The following PIP5KL1 variants were observed in gnomAD, a reference collection of about 807,000 sequenced individuals.
The protein encoded by PIP5KL1 is phosphatidylinositol 4-phosphate 5-kinase-like protein 1.
A neutral mutation model predicts 47.6 loss-of-function variants in PIP5KL1; 45 were observed. The ratio of observed to expected loss-of-function variants is 0.94; its 90% confidence interval spans 0.74 to 1.21. PIP5KL1 has a LOEUF of 1.21. PIP5KL1 is among the 50% of genes most tolerant of loss of function. PIP5KL1 has a pLI of 0.00. For synonymous variants in PIP5KL1, 256 were observed against 234.6 expected, an observed-to-expected ratio of 1.09 and a Z score of -0.84; for missense variants, 577 against 547.6, an observed-to-expected ratio of 1.05 and a Z score of -0.54.
rs745405251 is a variant in PIP5KL1 at position 127,925,858 on chromosome 9, G to A, written c.763+9C>T. ...GGAGGAACAGGCAGTGGCCACCCCC[G>A]TGGCTCACCCAGGTTGATGGTCTTG... is the stretch of plus-strand genomic sequence containing the variant. On this transcript the variant is annotated intron_variant, in intron 8 of 9. Transcript: ENST00000388747. The A allele has an allele frequency of 1.4e-5, 22 of 1,609,578 alleles. No individual in the cohort carries two copies. The highest frequency in any genetic ancestry group is 2.2e-5 in the South Asian group (2 of 91,018).
rs1199113996 is a variant in PIP5KL1, at chr9:127,925,296, T to C, written c.764-36A>G. 6.9e-6 allele frequency: 11 copies of C among 1,603,656 alleles called. No homozygotes were observed. The East Asian group carries it at 1.6e-4, about 23-fold the overall frequency. ...ATCAGTGCCCCCACCTGAGCGCTCATCATGTGCCAGCCACGGTGCTCCACA... is the reference window on the plus strand; with the variant it reads ...ATCAGTGCCCCCACCTGAGCGCTCACCATGTGCCAGCCACGGTGCTCCACA... On this transcript the variant is annotated intron_variant, in intron 8 of 9. Transcript: ENST00000388747.
At chr9:127,930,641 G>A (rs1369290065) in intron 1 of PIP5KL1, 82 bp downstream of exon 1, 2 of 1,433,088 alleles carry the variant, frequency 1.4e-6, no homozygotes, top group Admixed American at 5.1e-5. Flanking sequence ...ATGGGGGCGT[G>A]TCCGCGCCGC....
chr9:127,926,829 G>A (rs769590973), intron 7 of PIP5KL1, among the ~76,000 whole-genome samples: 3 of 152,240 alleles, frequency 2.0e-5, no homozygotes, highest in Non-Finnish European at 4.4e-5. Flanking sequence ...GCAGTCAGAG[G>A]CTGGGTCTGA....
Position 127,922,028 on chromosome 9 carries a change from A to G in PIP5KL1, c.1004T>C (p.Leu335Pro). The G allele has an allele frequency of 6.4e-7, 1 of 1,574,724 alleles. No homozygotes were observed. The highest frequency in any genetic ancestry group is 8.6e-7 in the Non-Finnish European group (1 of 1,161,470). ...LPDAPNALHI[L>P]DGPEQRYFLG... ...GAAATAGCGCTGCTCGGGCCCGTCC[A>G]GGATGTGTAGGGCGTTGGGGGCGTC... The change falls in exon 10 of 10, where the codon CTG becomes CCG. Residue 335 changes from leucine to proline, a missense_variant. Transcript: ENST00000388747.
At position 127,929,709 on chromosome 9, in the gene PIP5KL1, G is replaced by T. The variant is rs1831411287; in HGVS notation, c.207C>A (p.Val69=). Residue 69 remains valine (V), a synonymous_variant, in exon 2 of 10, where the codon GTC becomes GTA. Coordinates refer to ENST00000388747, the MANE Select transcript of PIP5KL1 (RefSeq NM_001135219.2). This position sits in a 1 kb window ranked among gnomAD's most constrained non-coding sequence, Gnocchi z 4.0. ...TCACCGTGGGTGGGTGGTCCATGGA[G>T]ACCTGGGTGGCAGCCCACAGCCCTG... ...MQAGLWAATQ[V]SMDHPPTGPP... 1 of 1,582,602 alleles carries T rather than the reference G, an allele frequency of 6.3e-7. No individual in the cohort carries two copies. Among genetic ancestry groups the T allele is most frequent in the South Asian group, 1.2e-5 (1 of 86,918 alleles).
intron 3 of PIP5KL1, 31 bp downstream of exon 3, chr9:127,928,402 T>A (rs1320533639): frequency 5.0e-6 from 8 of 1,584,776 alleles, no homozygotes; most frequent in Non-Finnish European, 6.9e-6. Context: ...CCAGCACACG[T>A]CCCTCCCACA....
At chr9:127,930,587 C>G (rs1831421303) in intron 1 of PIP5KL1, 136 bp downstream of exon 1, 1 of 1,096,844 alleles carries the variant, frequency 9.1e-7, no homozygotes, top group Non-Finnish European at 1.2e-6. Context: ...CCGTGTGGGG[C>G]GTGTCCTGGT....
intron 2 of PIP5KL1, 179 bp from the exon 3 acceptor site, chr9:127,928,662 G>C (rs1218831361): frequency 9.2e-6 from 6 of 650,416 alleles, no homozygotes; most frequent in South Asian, 7.8e-5. Flanking sequence ...TCACCTCCCA[G>C]GGATGCCAGG....
rs541657695 is a variant in PIP5KL1 at position 127,929,476 on chromosome 9, G to T, written c.228+212C>A. Reference sequence around the variant, plus strand: ...AGAGAGAGGCAGAGACCCACCTAGAGTCACACAGCAACCACCTGAGTCAGG... The same window carrying T: ...AGAGAGAGGCAGAGACCCACCTAGATTCACACAGCAACCACCTGAGTCAGG... On this transcript the variant is annotated intron_variant, in intron 2 of 9. Coordinates refer to ENST00000388747, the MANE Select transcript of PIP5KL1 (RefSeq NM_001135219.2). The surrounding 1 kb of genome is among the most constrained non-coding windows in gnomAD (Gnocchi z 4.0). Among the ~76,000 whole-genome samples, 1 of 152,124 alleles carries T rather than the reference G, an allele frequency of 6.6e-6. No individual in the cohort carries two copies. Among genetic ancestry groups the T allele is most frequent in the South Asian group, 2.1e-4 (1 of 4,814 alleles).
Position 127,927,496 on chromosome 9 carries a change from C to A in PIP5KL1, c.559+152G>T. 6.9e-7 allele frequency: 1 copy of A among 1,457,240 alleles called. No homozygotes were observed. The highest frequency in any genetic ancestry group is 2.5e-5 in the East Asian group (1 of 40,036). 90.3% of individuals were successfully genotyped at this position (1,457,240 alleles called of 1,614,324 possible). A position where few individuals can be genotyped will look rare whatever the true frequency, so the allele number is the denominator to read the frequency against. On this transcript the variant is annotated intron_variant, in intron 5 of 9. Transcript: ENST00000388747. This position sits in a 1 kb window ranked among gnomAD's most constrained non-coding sequence, Gnocchi z 5.5. ...GACCCGATCCCACCCCTAAACACAG[C>A]CCCAGTGGTGCCCCGCCCCCACGTA...
chr9:127,926,153 CTT>C (rs1831358975), intron 7 of PIP5KL1, among the ~76,000 whole-genome samples, 174 bp from the exon 8 acceptor site: 1 of 151,710 alleles, frequency 6.6e-6, no homozygotes, highest in East Asian at 1.9e-4. Flanking sequence ...TCTTTTCTTT[CTT>C]TCTCTCTCTC....
Position 127,928,112 on chromosome 9 carries a change from G to C in PIP5KL1, c.387C>G (p.Tyr129Ter), listed in dbSNP as rs369606695. The change falls in exon 4 of 10, where the codon TAC becomes TAG. Residue 129 changes from tyrosine to a stop codon, truncating the protein, a stop_gained. Transcript: ENST00000388747. LOFTEE classifies it high-confidence loss of function. ...TCTTGGAGGTGCTGAGGAACTGCAG[G>C]TAGGGGCCGCCGGGGCCCAGGGCAG... ...YQAALGPGGP[Y>*]LQFLSTSKSK... is the part of the protein sequence containing the mutation. The C allele has an allele frequency of 2.6e-5, 41 of 1,569,952 alleles. No individual in the cohort carries two copies. Among genetic ancestry groups the C allele is most frequent in the Non-Finnish European group, 3.2e-5 (37 of 1,159,660 alleles).
rs563464320 is a variant in PIP5KL1, at chr9:127,929,912, C to G, written c.31-27G>C. On this transcript the variant is annotated intron_variant, in intron 1 of 9. Coordinates refer to ENST00000388747, the MANE Select transcript of PIP5KL1 (RefSeq NM_001135219.2). The surrounding 1 kb of genome is among the most constrained non-coding windows in gnomAD (Gnocchi z 4.0). The stretch of plus-strand genomic sequence containing the variant: ...TGGTGGGAGGAGGCACAGGACACAG[C>G]CTGTGGCAGCGTCACAGAGGAAAAA... The G allele has an allele frequency of 6.8e-4, 1,003 of 1,473,678 alleles. No homozygotes were observed. The highest frequency in any genetic ancestry group is 8.9e-4 in the Non-Finnish European group (980 of 1,107,262). 91.3% of individuals were successfully genotyped at this position (1,473,678 alleles called of 1,614,324 possible). A position where few individuals can be genotyped will look rare whatever the true frequency, so the allele number is the denominator to read the frequency against.
At chr9:127,923,067 G>T (rs182954149) in intron 9 of PIP5KL1, among the ~76,000 whole-genome samples, 2 of 152,346 alleles carry the variant, frequency 1.3e-5, no homozygotes, top group East Asian at 1.9e-4. Context: ...GAAGTTTTGT[G>T]AACAAAATCC....
At position 127,926,124 on chromosome 9, in the gene PIP5KL1, CTTTCTTTCTTTCTTTCTCTCT is replaced by C. The variant is rs1018459061; in HGVS notation, c.651-166_651-146del. The C allele has an allele frequency of 1.1e-4, 48 of 441,002 alleles. No homozygotes were observed. The East Asian group carries it at 1.5e-3, about 14-fold the overall frequency. 27.3% of individuals were successfully genotyped at this position (441,002 alleles called of 1,614,324 possible). A position where few individuals can be genotyped will look rare whatever the true frequency, so the allele number is the denominator to read the frequency against. The stretch of plus-strand genomic sequence containing the variant: ...GCACAACCCTGGCCTGTCTTTTTCT[CTTTCTTTCTTTCTTTCTCTCT>C]TTTCTTTCTTTCTCTCTCTCTTTTC... On this transcript the variant is annotated intron_variant, in intron 7 of 9. Transcript: ENST00000388747.
chr9:127,925,293 T>A, intron 8 of PIP5KL1, 33 bp from the exon 9 acceptor site: 1 of 1,604,484 alleles, frequency 6.2e-7, no homozygotes, highest in East Asian at 2.2e-5. Flanking sequence ...ACCTGAGCGC[T>A]CATCATGTGC....
chr9:127,930,637 G>T (rs1448204066), intron 1 of PIP5KL1, 86 bp downstream of exon 1: 2 of 1,420,154 alleles, frequency 1.4e-6, no homozygotes, highest in African/African-American at 1.5e-5. Flanking sequence ...TTGGATGGGG[G>T]CGTGTCCGCG....
chr9:127,929,801 ACTGCTTGT>A lies in PIP5KL1; in HGVS notation c.107_114del (p.Asp36ValfsTer7). On this transcript the variant is annotated frameshift_variant, in exon 2 of 10. Transcript: ENST00000388747. LOFTEE classifies it high-confidence loss of function. The surrounding 1 kb of genome is among the most constrained non-coding windows in gnomAD (Gnocchi z 4.0). ...CTGATCTCAAACAGGCCCAGGCGAG[ACTGCTTGT>A]CTCGGAGGCGCCAGAGAAGCCCCCG... is the stretch of plus-strand genomic sequence containing the variant. 6.4e-7 allele frequency: 1 copy of A among 1,554,054 alleles called. No homozygotes were observed.
At chr9:127,925,666 A>G (rs1186030637) in intron 8 of PIP5KL1, 1 of 572,516 alleles carries the variant, frequency 1.7e-6, no homozygotes, top group Admixed American at 3.0e-5. Flanking sequence ...GAGTTTCAGC[A>G]TCTTGGCCAG....
Sources: allele counts gnomAD v4.1 joint callset (sites outside exome capture counted in the v4.1 genomes callset), GRCh38; gene constraint gnomAD v4.1.1; non-coding constraint Gnocchi (gnomAD v3.1); transcripts MANE v1.5; gene names NCBI Gene and HGNC (gene_info 2026-07-23, HGNC 2026-07-21).